TUSC3: variants seen among roughly 807,000 people sequenced by gnomAD.
TUSC3 encodes the protein tumor suppressor candidate 3.
A neutral mutation model predicts 44.8 loss-of-function variants in TUSC3; 45 were observed. That is an observed-to-expected ratio of 1.00 (90% CI 0.79 to 1.29). The LOEUF (loss-of-function observed/expected upper bound fraction) is 1.29, where lower values mean the gene tolerates loss of function less well. TUSC3 is among the 50% of genes most tolerant of loss of function. The pLI is 0.00. For missense variants in TUSC3, 519 were observed against 437.9 expected (o/e 1.19, Z -1.65); for synonymous variants, 212 against 152.9 (o/e 1.39, Z -2.85).
At chr8:15,554,768 A>G (rs1203760913) in intron 1 of TUSC3, among the ~76,000 whole-genome samples, 1 of 146,388 alleles carries the variant, frequency 6.8e-6, no homozygotes, top group Non-Finnish European at 1.5e-5. Context: ...CGCCCGGCTA[A>G]TTTTTTTTTT....
At chr8:15,417,443 A>T (rs992743626) in intron 1 of TUSC3, 1 of 152,262 alleles carries the variant, frequency 6.6e-6, no homozygotes, top group African/African-American at 2.4e-5. Flanking sequence ...GCTCAGTCTG[A>T]TGATTCATGG....
At chr8:15,594,299 A>G (rs1180966219) in intron 1 of TUSC3, among the ~76,000 whole-genome samples, 1 of 151,928 alleles carries the variant, frequency 6.6e-6, no homozygotes, top group East Asian at 1.9e-4. Flanking sequence ...TGTATACTTA[A>G]TGTCTTGAGC....
At chr8:15,706,246 T>C (rs938919961) in intron 6 of TUSC3, among the ~76,000 whole-genome samples, 10 of 152,036 alleles carry the variant, frequency 6.6e-5, no homozygotes, top group Non-Finnish European at 1.0e-4. Flanking sequence ...TTGCTGTTTA[T>C]TTTCATTTGA....
At chr8:15,485,202 A>G (rs1376582866) in intron 2 of TUSC3, among the ~76,000 whole-genome samples, 2 of 152,144 alleles carry the variant, frequency 1.3e-5, no homozygotes, top group Non-Finnish European at 2.9e-5. Context: ...ACCCTCACCA[A>G]GTTCCTCTGG....
At chr8:15,774,321 T>G in the TUSC3 span, among the ~76,000 whole-genome samples, 26 of 152,080 alleles carry the variant, frequency 1.7e-4, no homozygotes, top group African/African-American at 6.3e-4. Context: ...GCAAATGTAA[T>G]TAGTTAAGAT....
At chr8:15,797,983 C>T in the TUSC3 span, among the ~76,000 whole-genome samples, 1 of 152,070 alleles carries the variant, frequency 6.6e-6, no homozygotes, top group Non-Finnish European at 1.5e-5. Context: ...ACCTTTAAGT[C>T]CTTCAACAGG....
At chr8:15,550,556 G>T (rs79209114) in intron 1 of TUSC3, among the ~76,000 whole-genome samples, 6,093 of 151,538 alleles carry the variant, frequency 0.04, 382 homozygotes, top group East Asian at 0.23. Context: ...TGCTGTCAGG[G>T]TCTTACCCTC....
intron 2 of TUSC3, among the ~76,000 whole-genome samples, chr8:15,642,877 A>C (rs1291555295): frequency 6.6e-6 from 1 of 152,196 alleles, no homozygotes; most frequent in Non-Finnish European, 1.5e-5. Flanking sequence ...ACATTGAATT[A>C]ATTCACCCAT....
rs144526277 is a variant in TUSC3 at position 15,527,266 on chromosome 8, G to A, written n.189+43783G>A. The stretch of plus-strand genomic sequence containing the variant: ...GAGTCTCACTCTGTCACCCAGGCTG[G>A]AGTATAGTGGAACAATCTTGGCTCA... On this transcript the variant is annotated intron_variant and non_coding_transcript_variant, in intron 2 of 5. Transcript: ENST00000503191. 1.3e-3 allele frequency among the ~76,000 whole-genome samples: 204 copies of A among 152,186 alleles called. 2 individuals carry two copies. In the East Asian group the frequency reaches 0.038, roughly 28 times the overall value.
At chr8:15,724,012 G>A (rs1485430585) in intron 6 of TUSC3, among the ~76,000 whole-genome samples, 1 of 152,072 alleles carries the variant, frequency 6.6e-6, no homozygotes, top group African/African-American at 2.4e-5. Flanking sequence ...TTTGGACGTG[G>A]GTCTTTAGCA....
intron 3 of TUSC3, among the ~76,000 whole-genome samples, chr8:15,655,285 A>T (rs1412769022): frequency 6.6e-6 from 1 of 152,156 alleles, no homozygotes; most frequent in Non-Finnish European, 1.5e-5. Flanking sequence ...AAGCATGCGC[A>T]CCAAGAGACA....
At chr8:15,727,486 A>G (rs1386473847) in intron 6 of TUSC3, among the ~76,000 whole-genome samples, 1 of 152,148 alleles carries the variant, frequency 6.6e-6, no homozygotes, top group Non-Finnish European at 1.5e-5. Context: ...TGCCTGATAC[A>G]TACTAATTGA....
At chr8:15,798,186 G>A in the TUSC3 span, among the ~76,000 whole-genome samples, 5 of 152,180 alleles carry the variant, frequency 3.3e-5, no homozygotes, top group Admixed American at 6.5e-5. Flanking sequence ...AGTGTCTACC[G>A]TACATTCATA....
intron 1 of TUSC3, among the ~76,000 whole-genome samples, chr8:15,584,758 C>T (rs1027926033): frequency 2.0e-5 from 3 of 152,036 alleles, no homozygotes; most frequent in Non-Finnish European, 1.5e-5. Context: ...GAACAGGATT[C>T]ATTGACACAG....
At chr8:15,767,909 A>C (rs1812372905), downstream of TUSC3, among the ~76,000 whole-genome samples, 1 of 152,166 alleles carries the variant, frequency 6.6e-6, no homozygotes, top group East Asian at 1.9e-4. Flanking sequence ...TTTGGAGAAT[A>C]AGGAATTGGA....
chr8:15,525,262 A>T (rs1175536594), intron 2 of TUSC3, among the ~76,000 whole-genome samples: 1 of 152,114 alleles, frequency 6.6e-6, no homozygotes, highest in East Asian at 1.9e-4. Context: ...AAACACTATG[A>T]TAGTACTTCA....
At chr8:15,668,248 G>T (rs1476646437) in intron 5 of TUSC3, among the ~76,000 whole-genome samples, 2 of 151,292 alleles carry the variant, frequency 1.3e-5, no homozygotes, top group Non-Finnish European at 3.0e-5. Context: ...AGACATGGTT[G>T]TTTTTTTTCA....
Position 15,556,813 on chromosome 8 carries a change from T to C in TUSC3, c.138+16245T>C, listed in dbSNP as rs1323761063. The stretch of plus-strand genomic sequence containing the variant: ...TGCATAAATGTCTTCTTTTGAGAAG[T>C]GTCTGTTCATGTCCTTTGCCCACTT... On this transcript the variant is annotated intron_variant, in intron 1 of 10. Transcript: ENST00000503731. Among the ~76,000 whole-genome samples the C allele has an allele frequency of 3.5e-3, 435 of 125,038 alleles. 3 individuals carry two copies. The highest frequency in any genetic ancestry group is 0.012 in the African/African-American group (419 of 34,548). The allele number at this position is 125,038 out of a possible 152,430, so 82.0% of individuals were successfully genotyped here.
At chr8:15,828,180 A>G in the TUSC3 span, among the ~76,000 whole-genome samples, 1 of 151,996 alleles carries the variant, frequency 6.6e-6, no homozygotes. Context: ...TTTTTAGTAG[A>G]TACTGGATTT....
Sources: allele counts gnomAD v4.1 joint callset (sites outside exome capture counted in the v4.1 genomes callset), GRCh38; gene constraint gnomAD v4.1.1; transcripts MANE v1.5; gene names NCBI Gene and HGNC (gene_info 2026-07-23, HGNC 2026-07-21).